REV3L: variants seen among roughly 807,000 people sequenced by gnomAD.
The protein encoded by REV3L is REV3 like, DNA directed polymerase zeta catalytic subunit.
Under a neutral mutation model 299.4 loss-of-function variants are expected in REV3L, and 69 were observed. That is an observed-to-expected ratio of 0.23 (90% CI 0.19 to 0.28). The LOEUF is 0.28. REV3L is among the 10% of genes least tolerant of loss of function. REV3L has a pLI of 1.00. For synonymous variants in REV3L, 1,238 were observed against 1,271.4 expected, an observed-to-expected ratio of 0.97 and a Z score of 0.56; for missense variants, 3,128 against 3,693.8, an observed-to-expected ratio of 0.85 and a Z score of 3.97.
rs147543386 is a variant in REV3L, at chr6:111,373,476, G to T, written c.4879C>A (p.Pro1627Thr). 6.2e-7 allele frequency: 1 copy of T among 1,612,208 alleles called. No homozygotes were observed. The highest frequency in any genetic ancestry group is 8.5e-7 in the Non-Finnish European group (1 of 1,179,532). The change falls in exon 13 of 32, where the codon CCA (proline) becomes ACA (threonine). Residue 1627 changes from proline (P) to threonine (T), a missense_variant. Pro to Thr is a conservative substitution (Grantham distance 38, BLOSUM62 -1). Transcript: ENST00000368802. ...SDDSPIFFSDPGFESCYSLED... is the reference protein window; with the variant it reads ...SDDSPIFFSDTGFESCYSLED... ...AGTGAGTAACAACTTTCAAAGCCTG[G>T]ATCTGAAAAAAAGATGGGACTATCA...
intron 2 of REV3L, among the ~76,000 whole-genome samples, chr6:111,415,806 T>A (rs1440137729): frequency 6.6e-6 from 1 of 152,108 alleles, no homozygotes. Context: ...ACACTACTAT[T>A]CCTTCTTATC....
rs1779309744 is a variant in REV3L, at chr6:111,367,158, C to T, written c.6630G>A (p.Leu2210=). The T allele has an allele frequency of 1.2e-6, 2 of 1,607,720 alleles. No individual in the cohort carries two copies. Among genetic ancestry groups the T allele is most frequent in the Middle Eastern group, 1.7e-4 (1 of 6,010 alleles). Residue 2210 remains leucine, a synonymous_variant, in exon 14 of 32, where the codon CTG becomes CTA. Coordinates refer to ENST00000368802, the MANE Select transcript of REV3L (RefSeq NM_001372078.1). The part of the protein sequence containing the change: ...HSTPIIQRKL[L]ERLPEAPGLS... The stretch of plus-strand genomic sequence containing the variant: ...GGCCAGGTGCTTCAGGAAGCCTTTC[C>T]AGAAGTTTTCTCTGTATGATTGGTG...
Position 111,376,480 on chromosome 6 carries a change from C to A in REV3L, c.1875G>T (p.Met625Ile). 1 of 1,613,606 alleles carries A rather than the reference C, an allele frequency of 6.2e-7. No homozygotes were observed. The highest frequency in any genetic ancestry group is 8.5e-7 in the Non-Finnish European group (1 of 1,179,836). Residue 625 changes from methionine to isoleucine, a missense_variant, in exon 13 of 32, where the codon ATG (methionine) becomes ATT (isoleucine). Coordinates refer to ENST00000368802, the MANE Select transcript of REV3L (RefSeq NM_001372078.1). ...TACTGCTTAAAGATCCAGGGTATTT[C>A]ATAGAATAAGTGCTTTCGTTTGTAA... ...TSFTNESTYS[M>I]KYPGSLSSTV...
At chr6:111,415,302 C>T (rs1056993118) in intron 2 of REV3L, among the ~76,000 whole-genome samples, 2 of 152,152 alleles carry the variant, frequency 1.3e-5, no homozygotes, top group African/African-American at 4.8e-5. Flanking sequence ...AAGAAGCCGG[C>T]ATAGCCACCA....
At chr6:111,431,875 G>A (rs1356716247) in intron 1 of REV3L, 14 of 428,454 alleles carry the variant, frequency 3.3e-5, no homozygotes, top group Non-Finnish European at 5.1e-5. Flanking sequence ...TTTGTAAATT[G>A]TGTTTTTAAT....
At chr6:111,308,321 A>G (rs1582440472) in intron 30 of REV3L, 1 of 449,980 alleles carries the variant, frequency 2.2e-6, no homozygotes, top group East Asian at 7.0e-5. Context: ...TGAAATGAAC[A>G]TTAGTAATAA....
rs1780314620 is a variant in REV3L, at chr6:111,376,429, T to G, written c.1926A>C (p.Lys642Asn). The G allele has an allele frequency of 6.2e-7, 1 of 1,607,034 alleles. No homozygotes were observed. Among genetic ancestry groups the G allele is most frequent in the South Asian group, 1.1e-5 (1 of 91,010 alleles). The change falls in exon 13 of 32, where the codon AAA becomes AAC. Residue 642 changes from lysine to asparagine, a missense_variant. By Grantham distance (94) the Lys-to-Asn change is moderately conservative. Transcript: ENST00000368802. ...GGAGGATCTCTTTCTTACTATTCTC[T>G]TTATGAGAATTTTCTGAATGAACAG... ...SSTVHSENSH[K>N]ENSKKEILPV...
intron 18 of REV3L, among the ~76,000 whole-genome samples, chr6:111,355,103 T>C (rs1402652628): frequency 6.6e-6 from 1 of 152,026 alleles, no homozygotes; most frequent in Non-Finnish European, 1.5e-5. Context: ...AAGAGGAAAA[T>C]GATTGTGACA....
chr6:111,301,826 AAAG>A (rs1322746228), intron 31 of REV3L, among the ~76,000 whole-genome samples: 2 of 152,250 alleles, frequency 1.3e-5, no homozygotes, highest in Non-Finnish European at 2.9e-5. Flanking sequence ...TAGTTAAAAA[AAAG>A]GTTATAAAAC....
chr6:111,313,357 A>C lies in REV3L; in HGVS notation c.8599T>G (p.Ser2867Ala). The stretch of plus-strand genomic sequence containing the variant: ...ACAAGATAGATAAACCTTACCTTAG[A>C]AACAGCAGGGCAGGAATCTCTTCTG... ...TVRRDSCPAV[S>A]KILERSLKLL... is the part of the protein sequence containing the mutation. The change falls in exon 28 of 32, where the codon TCT (serine) becomes GCT (alanine). Residue 2867 changes from serine (S) to alanine (A), a missense_variant. By Grantham distance (99) the Ser-to-Ala change is moderately conservative (BLOSUM62 1). Coordinates refer to ENST00000368802, the MANE Select transcript of REV3L (RefSeq NM_001372078.1). 6.2e-7 allele frequency: 1 copy of C among 1,607,070 alleles called. No individual in the cohort carries two copies. The highest frequency in any genetic ancestry group is 1.1e-5 in the South Asian group (1 of 89,006).
At chr6:111,315,651 T>A in intron 26 of REV3L, 1 of 402,394 alleles carries the variant, frequency 2.5e-6, no homozygotes, top group Non-Finnish European at 4.6e-6. Context: ...TCCTGGATCA[T>A]CCCTGGACAT....
At chr6:111,323,253 A>C (rs1582510621) in intron 25 of REV3L, among the ~76,000 whole-genome samples, 1 of 152,104 alleles carries the variant, frequency 6.6e-6, no homozygotes, top group Admixed American at 6.5e-5. Flanking sequence ...CTCCCAAAGT[A>C]CTGGGATTAT....
At chr6:111,301,789 ATACTT>A (rs1328821047) in intron 31 of REV3L, among the ~76,000 whole-genome samples, 11 of 152,252 alleles carry the variant, frequency 7.2e-5, no homozygotes, top group African/African-American at 1.9e-4. Context: ...ATTTTTAAAA[ATACTT>A]TAAAGTCTCA....
rs1002266426 is a variant in REV3L at position 111,385,656 on chromosome 6, A to AT, written c.1096+2108dup. Among the ~76,000 whole-genome samples the AT allele has an allele frequency of 5.0e-4, 75 of 151,344 alleles. 1 individual carries two copies. Among genetic ancestry groups the AT allele is most frequent in the African/African-American group, 1.6e-3 (68 of 41,336 alleles). On this transcript the variant is annotated intron_variant, in intron 9 of 31. Transcript: ENST00000368802. ...TTAAATGGGGGGAAAAGAAGTTAAC[A>AT]TTTTTTTTTGAAGATTTTTATAAGA...
At chr6:111,309,741 C>T in intron 30 of REV3L, 112 bp downstream of exon 30, 1 of 1,249,266 alleles carries the variant, frequency 8.0e-7, no homozygotes, top group Non-Finnish European at 1.1e-6. Flanking sequence ...GGACCACACT[C>T]TTCCCTTCCC....
intron 1 of REV3L, among the ~76,000 whole-genome samples, chr6:111,475,505 T>G (rs1211018352): frequency 6.6e-6 from 1 of 152,234 alleles, no homozygotes; most frequent in East Asian, 1.9e-4. Context: ...TTTTCTCTTC[T>G]CACCTTTCCC....
chr6:111,454,286 G>C (rs538504236), intron 1 of REV3L, among the ~76,000 whole-genome samples: 2 of 150,104 alleles, frequency 1.3e-5, no homozygotes, highest in African/African-American at 4.9e-5. Flanking sequence ...CATGTCAAAA[G>C]AAAACAATTT....
intron 9 of REV3L, among the ~76,000 whole-genome samples, chr6:111,383,691 A>G (rs556519643): frequency 1.3e-5 from 2 of 152,164 alleles, no homozygotes; most frequent in Non-Finnish European, 2.9e-5. Context: ...TACCCAGAGC[A>G]ATCTACAGAT....
chr6:111,411,498 T>C lies in REV3L; in HGVS notation c.386A>G (p.Asn129Ser), dbSNP rs747890187. 1.0e-5 allele frequency: 16 copies of C among 1,586,478 alleles called. No individual in the cohort carries two copies. The highest frequency in any genetic ancestry group is 1.1e-5 in the South Asian group (1 of 87,822). ...TTTGTACCTTTTCACCATTGTAGGA[T>C]TGTAAAGATAGATCTTCATAAAGTG... ...ERHFMKIYLY[N>S]PTMVKRICEL... The change falls in exon 3 of 32, where the codon AAT (asparagine) becomes AGT (serine). Residue 129 changes from asparagine to serine, a missense_variant. This residue lies in a region of REV3L where 2,409 missense variants were observed against 2,611.8 expected (regional missense o/e 0.92). Transcript: ENST00000368802.
Sources: gnomAD v4.1 joint callset for allele counts (sites outside exome capture counted in the v4.1 genomes callset) on GRCh38, gnomAD v4.1.1 for gene constraint, gnomAD v4.1.1 regional missense constraint, MANE v1.5 for transcripts, NCBI Gene and HGNC (gene_info 2026-07-23, HGNC 2026-07-21) for gene names.